The following CENPC variants were observed in gnomAD, a reference collection of about 807,000 sequenced individuals.
The protein encoded by CENPC is centromere protein C.
CENPC carries 63 observed loss-of-function variants against 112.1 expected under a neutral mutation model. The observed-to-expected ratio is 0.56, with a 90% CI of 0.46 to 0.69. CENPC has a LOEUF of 0.69. Among genes scored for constraint, CENPC ranks in the 30% least tolerant of loss-of-function variants. CENPC has a pLI of 0.00. For missense variants in CENPC, 1,000 were observed against 1,103.8 expected (o/e 0.91, Z 1.33); for synonymous variants, 333 against 367.6 (o/e 0.91, Z 1.08).
In CENPC at chr4:67,472,508, A is replaced by ATAAGT. The variant is rs1724694442; in HGVS notation, c.*96_*97insACTTA. 10 of 1,255,744 alleles carry ATAAGT rather than the reference A, an allele frequency of 8.0e-6. No individual in the cohort carries two copies. Among genetic ancestry groups the ATAAGT allele is most frequent in the Non-Finnish European group, 1.0e-5 (10 of 984,854 alleles). 77.8% of individuals were successfully genotyped at this position (1,255,744 alleles called of 1,614,324 possible). ...AAACTGAATAAAATTTTTATTTTAA[A>ATAAGT]ACATCACAAGTAATTACAAAGACAA... On this transcript the variant is annotated 3_prime_UTR_variant, in exon 19 of 19. Transcript: ENST00000273853.
chr4:67,501,144 C>T (rs1242961961), intron 12 of CENPC, among the ~76,000 whole-genome samples: 2 of 152,056 alleles, frequency 1.3e-5, no homozygotes, highest in Non-Finnish European at 2.9e-5. Flanking sequence ...CCTGTCTCTA[C>T]TAAAAATACA....
chr4:67,541,197 A>T (rs1012198875), intron 2 of CENPC, 147 bp from the exon 3 acceptor site: 1 of 584,426 alleles, frequency 1.7e-6, no homozygotes, highest in South Asian at 2.5e-5. Flanking sequence ...CAAGTACTTG[A>T]GGGTCTATAC....
At chr4:67,507,938 G>A (rs1024933960) in intron 10 of CENPC, among the ~76,000 whole-genome samples, 2 of 152,034 alleles carry the variant, frequency 1.3e-5, no homozygotes, top group African/African-American at 2.4e-5. Flanking sequence ...AATGATATAC[G>A]CTAATATATT....
intron 17 of CENPC, among the ~76,000 whole-genome samples, chr4:67,480,146 C>T (rs1016142493): frequency 2.6e-5 from 4 of 152,026 alleles, no homozygotes; most frequent in Non-Finnish European, 4.4e-5. Flanking sequence ...ATGGCAAAAC[C>T]CCGTCTCTAC....
chr4:67,524,025 A>G (rs1256426918), intron 5 of CENPC, among the ~76,000 whole-genome samples: 1 of 152,056 alleles, frequency 6.6e-6, no homozygotes, highest in Non-Finnish European at 1.5e-5. Flanking sequence ...AGAACAAAAT[A>G]AACCCAATCA....
chr4:67,502,929 T>C (rs1725631807), intron 12 of CENPC, among the ~76,000 whole-genome samples: 1 of 152,138 alleles, frequency 6.6e-6, no homozygotes, highest in Non-Finnish European at 1.5e-5. Context: ...TGCTACCACA[T>C]TGGTCTAAGC....
At chr4:67,516,915 T>C (rs2109807734) in intron 7 of CENPC, among the ~76,000 whole-genome samples, 1 of 152,072 alleles carries the variant, frequency 6.6e-6, no homozygotes, top group African/African-American at 2.4e-5. Flanking sequence ...TAATGAATAG[T>C]TATATTTGAC....
At chr4:67,491,322 C>A (rs973667368) in intron 16 of CENPC, among the ~76,000 whole-genome samples, 2 of 150,648 alleles carry the variant, frequency 1.3e-5, no homozygotes, top group African/African-American at 2.4e-5. Context: ...TACAAGCACC[C>A]ACCACCACGC....
At chr4:67,482,974 T>C (rs1367981871) in intron 17 of CENPC, among the ~76,000 whole-genome samples, 1 of 152,218 alleles carries the variant, frequency 6.6e-6, no homozygotes, top group Non-Finnish European at 1.5e-5. Flanking sequence ...TGGGGGCAGT[T>C]ACCCTCATGC....
At chr4:67,492,719 G>T in intron 15 of CENPC, 150 bp downstream of exon 15, 3 of 1,182,316 alleles carry the variant, frequency 2.5e-6, no homozygotes, top group Non-Finnish European at 3.3e-6. Flanking sequence ...TTTCCATTTG[G>T]AAGAAAGTAG....
At chr4:67,519,613 T>G in intron 5 of CENPC, 111 bp from the exon 6 acceptor site, 1 of 714,718 alleles carries the variant, frequency 1.4e-6, no homozygotes, top group Non-Finnish European at 2.2e-6. Flanking sequence ...TTCAGAAAAC[T>G]CAAAGTCATT....
chr4:67,530,307 C>T (rs1415046389), intron 5 of CENPC, among the ~76,000 whole-genome samples: 2 of 151,842 alleles, frequency 1.3e-5, no homozygotes, highest in Non-Finnish European at 2.9e-5. Flanking sequence ...TGGGCAAGAA[C>T]GTAGAATAGT....
At chr4:67,545,194 G>C in intron 1 of CENPC, 144 bp downstream of exon 1, 1 of 734,964 alleles carries the variant, frequency 1.4e-6, no homozygotes, top group South Asian at 2.7e-5. Flanking sequence ...GATCACACTT[G>C]ATTTCAAAAA....
chr4:67,469,308 C>A lies in CENPC; in HGVS notation c.*3297G>T, dbSNP rs1724589102. On this transcript the variant is annotated 3_prime_UTR_variant, in exon 19 of 19. Transcript: ENST00000273853. The stretch of plus-strand genomic sequence containing the variant: ...TAAAATAGAAAAAGATAAAAGGTAA[C>A]TCTATGCAGACATTGGACAAAAGTG... 6.6e-6 allele frequency: 1 copy of A among 152,112 alleles called. No individual in the cohort carries two copies. The highest frequency in any genetic ancestry group is 1.5e-5 in the Non-Finnish European group (1 of 68,018). 9.4% of individuals were successfully genotyped at this position (152,112 alleles called of 1,614,324 possible). A position where few individuals can be genotyped will look rare whatever the true frequency, so the allele number is the denominator to read the frequency against.
At chr4:67,510,197 C>A (rs1341290320) in intron 9 of CENPC, among the ~76,000 whole-genome samples, 3 of 152,136 alleles carry the variant, frequency 2.0e-5, no homozygotes, top group African/African-American at 7.2e-5. Flanking sequence ...ATAGGCCCCC[C>A]AGACAATTCT....
rs984268663 is a variant in CENPC at position 67,531,663 on chromosome 4, C to T, written c.232-749G>A. On this transcript the variant is annotated intron_variant, in intron 4 of 18. Coordinates refer to ENST00000273853, the MANE Select transcript of CENPC (RefSeq NM_001812.4). ...ACAGGCTGAGTTTCAAAAGGCTTCTCTGAGGAGAAAAAATGTACACACGTT... is the reference window on the plus strand; with the variant it reads ...ACAGGCTGAGTTTCAAAAGGCTTCTTTGAGGAGAAAAAATGTACACACGTT... Among the ~76,000 whole-genome samples the T allele has an allele frequency of 5.3e-4, 81 of 152,162 alleles. 1 individual carries two copies. Among genetic ancestry groups the T allele is most frequent in the African/African-American group, 1.9e-3 (77 of 41,432 alleles).
Position 67,518,333 on chromosome 4 carries a change from A to G in CENPC, c.653T>C (p.Ile218Thr). 2 of 1,533,102 alleles carry G rather than the reference A, an allele frequency of 1.3e-6. No individual in the cohort carries two copies. The highest frequency in any genetic ancestry group is 2.4e-5 in the East Asian group (1 of 40,952). 95.0% of individuals were successfully genotyped at this position (1,533,102 alleles called of 1,614,324 possible). A position where few individuals can be genotyped will look rare whatever the true frequency, so the allele number is the denominator to read the frequency against. The change falls in exon 7 of 19, where the codon ATA becomes ACA. Residue 218 changes from isoleucine (I) to threonine (T), a missense_variant. Transcript: ENST00000273853. ...NFDDKVMLKK[I>T]EIDNKVSDEE... ...ATCTGATACTTTATTATCTATTTCT[A>G]TTTTCTTTAACATAACTTTATCATC... is the stretch of plus-strand genomic sequence containing the variant.
At chr4:67,518,983 A>G (rs1726139142) in intron 6 of CENPC, among the ~76,000 whole-genome samples, 1 of 152,208 alleles carries the variant, frequency 6.6e-6, no homozygotes, top group African/African-American at 2.4e-5. Flanking sequence ...TATCAGAGAG[A>G]AAACACATTA....
At position 67,545,422 on chromosome 4, in the gene CENPC, A is replaced by C. The variant is rs775745937; in HGVS notation, c.-67T>G. 6.3e-6 allele frequency: 9 copies of C among 1,429,152 alleles called. No individual in the cohort carries two copies. The highest frequency in any genetic ancestry group is 8.3e-6 in the Non-Finnish European group (9 of 1,082,782). The allele number at this position is 1,429,152 out of a possible 1,614,324, so 88.5% of individuals were successfully genotyped here. On this transcript the variant is annotated 5_prime_UTR_variant, in exon 1 of 19. Coordinates refer to ENST00000273853, the MANE Select transcript of CENPC (RefSeq NM_001812.4). The stretch of plus-strand genomic sequence containing the variant: ...GCCCACACGGACCACAGCTCCAGGA[A>C]GCCGAGCAAGAAACGAATCGCCGGA...
Sources: gnomAD v4.1 joint callset for allele counts (sites outside exome capture counted in the v4.1 genomes callset) on GRCh38, gnomAD v4.1.1 for gene constraint, MANE v1.5 for transcripts, NCBI Gene and HGNC (gene_info 2026-07-23, HGNC 2026-07-21) for gene names.